The following DMXL1 variants were observed in gnomAD, a reference collection of about 807,000 sequenced individuals.
DMXL1 encodes dmX-like protein 1.
Under a neutral mutation model 319.2 loss-of-function variants are expected in DMXL1, and 99 were observed. That is an observed-to-expected ratio of 0.31 (90% CI 0.26 to 0.37). The LOEUF (loss-of-function observed/expected upper bound fraction) is 0.37, where lower values mean the gene tolerates loss of function less well. Among genes scored for constraint, DMXL1 ranks in the 10% least tolerant of loss-of-function variants. DMXL1 has a pLI of 1.00. For synonymous variants in DMXL1, 1,385 were observed against 1,235.2 expected (o/e 1.12, Z -2.54); for missense variants, 3,745 against 3,595.6 (o/e 1.04, Z -1.06).
intron 34 of DMXL1, among the ~76,000 whole-genome samples, chr5:119,207,142 G>T (rs960191416): frequency 1.2e-4 from 18 of 152,072 alleles, no homozygotes; most frequent in African/African-American, 4.3e-4. Context: ...AAATTTTTCT[G>T]AGTAAATACA....
At chr5:119,124,206 T>C (rs1183317935) in intron 9 of DMXL1, among the ~76,000 whole-genome samples, 1 of 151,600 alleles carries the variant, frequency 6.6e-6, no homozygotes, top group Non-Finnish European at 1.5e-5. Flanking sequence ...TCCCAGCTAC[T>C]TGGGAGGCTG....
At chr5:119,162,975 A>G (rs1481983813) in intron 19 of DMXL1, among the ~76,000 whole-genome samples, 1 of 152,234 alleles carries the variant, frequency 6.6e-6, no homozygotes, top group Non-Finnish European at 1.5e-5. Flanking sequence ...GCCACATGCT[A>G]TAATTAATCA....
intron 1 of DMXL1, among the ~76,000 whole-genome samples, chr5:119,077,758 TG>T (rs1751285527): frequency 8.4e-6 from 1 of 118,912 alleles, no homozygotes; most frequent in Admixed American, 8.8e-5. Flanking sequence ...TTTTTAAGTG[TG>T]TGTGTGTGTG....
intron 38 of DMXL1, among the ~76,000 whole-genome samples, chr5:119,231,661 G>T (rs781158536): frequency 6.6e-6 from 1 of 152,154 alleles, no homozygotes; most frequent in Non-Finnish European, 1.5e-5. Flanking sequence ...TCAAATTCAT[G>T]AACTGGGCAA....
rs543452824 is a variant in DMXL1, at chr5:119,182,711, ATTAAC to A, written c.7135+4472_7135+4476del. On this transcript the variant is annotated intron_variant, in intron 28 of 43. Coordinates refer to ENST00000539542, the MANE Select transcript of DMXL1 (RefSeq NM_001290321.3). ...TTAACAAAAATGTTAATGTACATAA[ATTAAC>A]TTAATCAAATTTTTTTTGGTGAATT... Among the ~76,000 whole-genome samples, 481 of 152,242 alleles carry A rather than the reference ATTAAC, an allele frequency of 3.2e-3. 3 individuals are homozygous for A. The highest frequency in any genetic ancestry group is 0.01 in the African/African-American group (429 of 41,580).
At chr5:119,122,438 G>A (rs1360734663) in intron 9 of DMXL1, among the ~76,000 whole-genome samples, 1 of 151,082 alleles carries the variant, frequency 6.6e-6, no homozygotes, top group Admixed American at 6.6e-5. Context: ...CCGGGCGGGG[G>A]GCTAACCCCC....
chr5:119,113,458 G>GT (rs532680015), intron 5 of DMXL1, among the ~76,000 whole-genome samples: 298 of 152,270 alleles, frequency 2.0e-3, no homozygotes, highest in African/African-American at 6.8e-3. Context: ...GGCCAGGCTG[G>GT]TCTCGAACTC....
chr5:119,174,972 T>G (rs1284026109), intron 25 of DMXL1, among the ~76,000 whole-genome samples: 7 of 152,190 alleles, frequency 4.6e-5, no homozygotes, highest in Non-Finnish European at 1.0e-4. Context: ...TGGTTCATGC[T>G]CTACTGGAGA....
At chr5:119,158,535 G>C (rs1771594345) in intron 19 of DMXL1, among the ~76,000 whole-genome samples, 1 of 152,186 alleles carries the variant, frequency 6.6e-6, no homozygotes, top group South Asian at 2.1e-4. Flanking sequence ...TAGAAGTTGT[G>C]AGAGAGTGCA....
At chr5:119,211,170 A>C (rs1392347348) in intron 34 of DMXL1, among the ~76,000 whole-genome samples, 1 of 152,036 alleles carries the variant, frequency 6.6e-6, no homozygotes, top group Non-Finnish European at 1.5e-5. Context: ...ACATTTGATA[A>C]AATTTTAAGA....
chr5:119,176,703 AAAG>A (rs1301784220), intron 26 of DMXL1, among the ~76,000 whole-genome samples: 1 of 152,090 alleles, frequency 6.6e-6, no homozygotes, highest in Non-Finnish European at 1.5e-5. Flanking sequence ...AGGAATTTCT[AAAG>A]GAAATTCCTT....
chr5:119,191,879 C>G (rs1030019136), intron 29 of DMXL1, among the ~76,000 whole-genome samples: 1 of 152,222 alleles, frequency 6.6e-6, no homozygotes, highest in African/African-American at 2.4e-5. Flanking sequence ...TTACCCAGAT[C>G]AGATCCCATA....
rs774741493 is a variant in DMXL1 at position 119,133,902 on chromosome 5, G to C, written c.1978G>C (p.Ala660Pro). The C allele has an allele frequency of 1.2e-6, 2 of 1,614,072 alleles. No homozygotes were observed. Among genetic ancestry groups the C allele is most frequent in the Non-Finnish European group, 1.7e-6 (2 of 1,180,016 alleles). ...ATTGCTGACAACATCACACCATAAT[G>C]CATTAAGGACACCAGATGTTGATAA... ...PLLLTTSHHN[A>P]LRTPDVDNPE... The change falls in exon 12 of 44, where the codon GCA becomes CCA. Residue 660 changes from alanine (A) to proline (P), a missense_variant. By Grantham distance (27) the Ala-to-Pro change is conservative. Around this residue, in one of 4 missense-constraint regions of DMXL1, gnomAD observed 2,096 missense variants for 1,985.4 expected, o/e 1.06. Coordinates refer to ENST00000539542, the MANE Select transcript of DMXL1 (RefSeq NM_001290321.3).
chr5:119,097,026 T>A (rs894847941), intron 1 of DMXL1, among the ~76,000 whole-genome samples: 4 of 152,096 alleles, frequency 2.6e-5, no homozygotes, highest in Non-Finnish European at 5.9e-5. Flanking sequence ...TAGAAAGTAA[T>A]GGGAGAGATA....
At chr5:119,189,237 G>C (rs1409312733) in intron 28 of DMXL1, among the ~76,000 whole-genome samples, 2 of 151,976 alleles carry the variant, frequency 1.3e-5, no homozygotes, top group African/African-American at 4.8e-5. Flanking sequence ...AGTAGTTATG[G>C]TGCCTGAATT....
intron 43 of DMXL1, among the ~76,000 whole-genome samples, chr5:119,245,125 T>G (rs904180510): frequency 6.6e-6 from 1 of 152,146 alleles, no homozygotes; most frequent in Non-Finnish European, 1.5e-5. Flanking sequence ...TGGGTCTCAC[T>G]CCAGAAATAC....
intron 32 of DMXL1, among the ~76,000 whole-genome samples, chr5:119,198,329 G>A (rs1327054513): frequency 3.9e-5 from 6 of 152,100 alleles, no homozygotes; most frequent in Non-Finnish European, 8.8e-5. Flanking sequence ...TTTTTGTGCT[G>A]TACATTCTTG....
At chr5:119,130,826 G>A (rs1229666802) in intron 10 of DMXL1, among the ~76,000 whole-genome samples, 2 of 151,864 alleles carry the variant, frequency 1.3e-5, no homozygotes, top group South Asian at 2.1e-4. Context: ...TTTTCTGTGA[G>A]TTTTTCTATA....
intron 1 of DMXL1, among the ~76,000 whole-genome samples, chr5:119,074,003 C>T (rs1038867634): frequency 1.2e-4 from 18 of 151,692 alleles, no homozygotes; most frequent in African/African-American, 4.4e-4. Context: ...ACTGCAACTT[C>T]CGCCTCCTGT....
Sources: allele counts gnomAD v4.1 joint callset (sites outside exome capture counted in the v4.1 genomes callset), GRCh38; gene constraint gnomAD v4.1.1; regional missense constraint gnomAD v4.1.1; transcripts MANE v1.5; gene names NCBI Gene and HGNC (gene_info 2026-07-23, HGNC 2026-07-21).